The following SDK1 variants were observed in gnomAD, a reference collection of about 807,000 sequenced individuals.
SDK1 encodes the protein protein sidekick-1.
A neutral mutation model predicts 245.5 loss-of-function variants in SDK1; 157 were observed. The observed-to-expected ratio is 0.64, with a 90% CI of 0.56 to 0.73. The LOEUF is 0.73. SDK1 is among the 30% of genes least tolerant of loss of function. SDK1 has a pLI of 0.00. For synonymous variants in SDK1, 1,647 were observed against 1,278.5 expected (o/e 1.29, Z -6.15); for missense variants, 3,583 against 3,002.3 (o/e 1.19, Z -4.52).
intron 8 of SDK1, among the ~76,000 whole-genome samples, chr7:3,961,163 T>G (rs1174116263): frequency 6.6e-6 from 1 of 152,264 alleles, no homozygotes; most frequent in African/African-American, 2.4e-5. Context: ...TTTACTGCTT[T>G]CTTTTCATTT....
rs1259545228 is a variant in SDK1, at chr7:3,301,770, ACGG to A, written c.188_190del (p.Ala63del). The A allele has an allele frequency of 1.0e-6, 1 of 989,540 alleles. No individual in the cohort carries two copies. Among genetic ancestry groups the A allele is most frequent in the African/African-American group, 1.8e-5 (1 of 56,078 alleles). The allele number at this position is 989,540 out of a possible 1,614,324, so 61.3% of individuals were successfully genotyped here. On this transcript the variant is annotated inframe_deletion, in exon 1 of 45. Transcript: ENST00000404826. ...GGCGCCCGAGACCTCCGGCGGGGAC[ACGG>A]CGGGCGCGGGGCGGTGCGGCGGGCG...
In SDK1 at chr7:3,951,826, G is replaced by C; in HGVS notation, c.1056G>C (p.Pro352=). Residue 352 remains proline, a synonymous_variant, in exon 7 of 45, where the codon CCG becomes CCC. Coordinates refer to ENST00000404826, the MANE Select transcript of SDK1 (RefSeq NM_152744.4). ...GAAGACGCCTCACCATCAGCAACCC[G>C]ACGTCCGCGGACACCGGGCCATACG... ...SFGRRLTISN[P]TSADTGPYVC... 6.2e-7 allele frequency: 1 copy of C among 1,613,802 alleles called. No individual in the cohort carries two copies. Among genetic ancestry groups the C allele is most frequent in the Non-Finnish European group, 8.5e-7 (1 of 1,180,008 alleles).
At position 4,237,517 on chromosome 7, in the gene SDK1, A is replaced by G. The variant is rs188993499; in HGVS notation, c.5993-130A>G. The G allele has an allele frequency of 1.4e-4, 138 of 1,002,072 alleles. No homozygotes were observed. The African/African-American group carries it at 2.1e-3, about 15-fold the overall frequency. 62.1% of individuals were successfully genotyped at this position (1,002,072 alleles called of 1,614,324 possible). ...GAAAAGTCCACCCGCCCGGCTGGAC[A>G]TTGGTTTCATCTCACCTGTAACTGG... is the stretch of plus-strand genomic sequence containing the variant. On this transcript the variant is annotated intron_variant, in intron 41 of 44. Coordinates refer to ENST00000404826, the MANE Select transcript of SDK1 (RefSeq NM_152744.4).
intron 1 of SDK1, among the ~76,000 whole-genome samples, chr7:3,315,509 T>C (rs1249321930): frequency 6.6e-6 from 1 of 152,082 alleles, no homozygotes; most frequent in Admixed American, 6.5e-5. Flanking sequence ...GGGTCACGCA[T>C]GCACATGCAA....
chr7:4,001,469 C>T (rs532524686), intron 14 of SDK1, among the ~76,000 whole-genome samples: 71 of 152,340 alleles, frequency 4.7e-4, no homozygotes, highest in African/African-American at 1.4e-3. Flanking sequence ...TGACCTGAGG[C>T]TCTGGAGGCC....
chr7:3,617,878 C>G (rs1196902607), intron 1 of SDK1, among the ~76,000 whole-genome samples: 1 of 152,068 alleles, frequency 6.6e-6, no homozygotes, highest in Non-Finnish European at 1.5e-5. Context: ...GACATTCAGA[C>G]CGTAACTCTA....
At chr7:3,616,063 C>T (rs1347303490) in intron 1 of SDK1, among the ~76,000 whole-genome samples, 1 of 151,912 alleles carries the variant, frequency 6.6e-6, no homozygotes, top group African/African-American at 2.4e-5. Flanking sequence ...TTTTAAAAAA[C>T]TTTTTGTGGA....
intron 40 of SDK1, among the ~76,000 whole-genome samples, chr7:4,224,654 T>C (rs1027821828): frequency 1.1e-4 from 16 of 152,148 alleles, no homozygotes; most frequent in African/African-American, 3.9e-4. Context: ...ACAACCATTC[T>C]GAGAAAGTGT....
At chr7:3,314,986 G>A (rs2128544852) in intron 1 of SDK1, among the ~76,000 whole-genome samples, 1 of 151,978 alleles carries the variant, frequency 6.6e-6, no homozygotes, top group Admixed American at 6.5e-5. Flanking sequence ...AACCCACTCT[G>A]ACTTTTTCCT....
intron 14 of SDK1, among the ~76,000 whole-genome samples, chr7:4,003,023 C>T (rs1348123871): frequency 5.3e-5 from 8 of 152,216 alleles, no homozygotes; most frequent in Non-Finnish European, 1.2e-4. Context: ...CATCAGGCCC[C>T]CCAACACTGA....
intron 1 of SDK1, among the ~76,000 whole-genome samples, chr7:3,507,025 C>G (rs952790815): frequency 1.3e-5 from 2 of 152,094 alleles, no homozygotes; most frequent in African/African-American, 4.8e-5. Flanking sequence ...AACTTAGTCT[C>G]TTCAAGCCGG....
At chr7:4,092,760 T>C (rs1562797998) in intron 22 of SDK1, among the ~76,000 whole-genome samples, 1 of 151,972 alleles carries the variant, frequency 6.6e-6, no homozygotes, top group East Asian at 1.9e-4. Context: ...GAAGGAACAA[T>C]AGAACCCATC....
At chr7:3,629,647 A>G (rs967328212) in intron 2 of SDK1, among the ~76,000 whole-genome samples, 1 of 152,256 alleles carries the variant, frequency 6.6e-6, no homozygotes, top group African/African-American at 2.4e-5. Context: ...TTGAAAAGCA[A>G]GATCCAAAAG....
At chr7:3,329,587 T>G (rs957866360) in intron 1 of SDK1, among the ~76,000 whole-genome samples, 4 of 152,194 alleles carry the variant, frequency 2.6e-5, no homozygotes, top group Non-Finnish European at 4.4e-5. Flanking sequence ...TCTATAGATT[T>G]GCCTTTTCTG....
rs576789428 is a variant in SDK1, at chr7:3,551,640, C to T, written c.299-67440C>T. Among the ~76,000 whole-genome samples the T allele has an allele frequency of 9.9e-5, 15 of 151,772 alleles. No homozygotes were observed. In the East Asian group the frequency reaches 2.9e-3, roughly 29 times the overall value. ...ACATCAATTTGGCTGACCTTAGTTTCCCCCTAAATTTAGTAGTTTTATACA... is the reference window on the plus strand; with the variant it reads ...ACATCAATTTGGCTGACCTTAGTTTTCCCCTAAATTTAGTAGTTTTATACA... On this transcript the variant is annotated intron_variant, in intron 1 of 44. Transcript: ENST00000404826.
Position 4,017,285 on chromosome 7 carries a change from G to C in SDK1, c.2535G>C (p.Val845=), listed in dbSNP as rs745748633. ...TCTGGACACAGTATGAGATACAGGT[G>C]GCGGCGTACAACGGGGCCGGTCTGG... ...LIIWTQYEIQ[V]AAYNGAGLGV... Residue 845 remains valine, a synonymous_variant, in exon 17 of 45, where the codon GTG becomes GTC. Coordinates refer to ENST00000404826, the MANE Select transcript of SDK1 (RefSeq NM_152744.4). 6.2e-7 allele frequency: 1 copy of C among 1,614,082 alleles called. No individual in the cohort carries two copies. The highest frequency in any genetic ancestry group is 1.7e-5 in the Admixed American group (1 of 60,016).
chr7:4,057,790 C>G (rs982596803), intron 19 of SDK1, among the ~76,000 whole-genome samples: 1 of 152,218 alleles, frequency 6.6e-6, no homozygotes, highest in African/African-American at 2.4e-5. Flanking sequence ...TCACAGACAC[C>G]ACTGATGCTG....
At chr7:4,005,647 C>G (rs541750327) in intron 14 of SDK1, among the ~76,000 whole-genome samples, 1 of 152,214 alleles carries the variant, frequency 6.6e-6, no homozygotes, top group Admixed American at 6.5e-5. Context: ...AAGCGGGTTT[C>G]TGTGGCTACA....
At chr7:3,542,193 C>T (rs770179281) in intron 1 of SDK1, among the ~76,000 whole-genome samples, 9 of 152,134 alleles carry the variant, frequency 5.9e-5, no homozygotes, top group Non-Finnish European at 7.4e-5. Flanking sequence ...TAGTAGATTT[C>T]TTATTATGTT....
Sources: allele counts gnomAD v4.1 joint callset (sites outside exome capture counted in the v4.1 genomes callset), GRCh38; gene constraint gnomAD v4.1.1; transcripts MANE v1.5; gene names NCBI Gene and HGNC (gene_info 2026-07-23, HGNC 2026-07-21).